The following CDYL2 variants were observed in gnomAD, a reference collection of about 807,000 sequenced individuals.
The protein encoded by CDYL2 is chromodomain Y-like protein 2.
A neutral mutation model predicts 49.4 loss-of-function variants in CDYL2; 23 were observed. The ratio of observed to expected loss-of-function variants is 0.47; its 90% CI spans 0.34 to 0.66. The LOEUF (loss-of-function observed/expected upper bound fraction) is 0.66, where lower values mean the gene tolerates loss of function less well. Among genes scored for constraint, CDYL2 ranks in the 30% least tolerant of loss-of-function variants. CDYL2 has a pLI of 0.01. For synonymous variants in CDYL2, 360 were observed against 268.8 expected (o/e 1.34, Z -3.32); for missense variants, 678 against 656.4 (o/e 1.03, Z -0.36).
At chr16:80,749,505 G>C (rs184956495) in intron 1 of CDYL2, among the ~76,000 whole-genome samples, 3 of 152,062 alleles carry the variant, frequency 2.0e-5, no homozygotes, top group Admixed American at 1.3e-4. Flanking sequence ...ACAATGAAAA[G>C]CAAAATCAAC....
chr16:80,702,427 A>C (rs1904306836), intron 1 of CDYL2, among the ~76,000 whole-genome samples: 1 of 152,180 alleles, frequency 6.6e-6, no homozygotes, highest in South Asian at 2.1e-4. Flanking sequence ...TAATCAAGAA[A>C]TATATAAAGA....
intron 2 of CDYL2, among the ~76,000 whole-genome samples, chr16:80,659,567 A>G (rs1908957692): frequency 6.6e-6 from 1 of 152,140 alleles, no homozygotes; most frequent in Non-Finnish European, 1.5e-5. Flanking sequence ...TGGTACAGAA[A>G]AAGAACAATT....
At chr16:80,667,047 A>G (rs1428167854) in intron 2 of CDYL2, among the ~76,000 whole-genome samples, 1 of 152,206 alleles carries the variant, frequency 6.6e-6, no homozygotes, top group Non-Finnish European at 1.5e-5. Context: ...ACACCATTCC[A>G]TGTGTGCAAA....
rs202032336 is a variant in CDYL2 at position 80,693,923 on chromosome 16, C to A, written c.25-8794G>T. Among the ~76,000 whole-genome samples, 51 of 152,250 alleles carry A rather than the reference C, an allele frequency of 3.3e-4. No homozygotes were observed. In the East Asian group the frequency reaches 6.2e-3, roughly 18 times the overall value. ...ACTGTATTACAGATGTATGATACAA[C>A]CTAAATACAAGAGACAGGGAAAAGG... On this transcript the variant is annotated intron_variant, in intron 1 of 6. Transcript: ENST00000570137.
intron 1 of CDYL2, among the ~76,000 whole-genome samples, chr16:80,767,441 C>T (rs931059188): frequency 3.3e-5 from 5 of 152,146 alleles, no homozygotes; most frequent in African/African-American, 1.2e-4. Flanking sequence ...ATAACTGCAG[C>T]CATTTATTCT....
chr16:80,651,990 T>C (rs1181015607), intron 2 of CDYL2, among the ~76,000 whole-genome samples: 1 of 152,200 alleles, frequency 6.6e-6, no homozygotes, highest in Admixed American at 6.5e-5. Context: ...AACACCAGTA[T>C]GAACTCATTT....
intron 2 of CDYL2, among the ~76,000 whole-genome samples, chr16:80,644,089 A>T (rs11861803): frequency 1.3e-5 from 2 of 152,080 alleles, no homozygotes; most frequent in African/African-American, 4.8e-5. Context: ...TCACCTCTTG[A>T]ATGCTTTGCT....
rs76791200 is a variant in CDYL2, at chr16:80,610,358, G to C, written c.1219-2123C>G. ...GTGCGGAGCTGCCTCAAGAGCATGA[G>C]AGTAATGTCAAAGGTGGGTGTTGAC... is the stretch of plus-strand genomic sequence containing the variant. On this transcript the variant is annotated intron_variant, in intron 5 of 6. Transcript: ENST00000570137. Among the ~76,000 whole-genome samples the C allele has an allele frequency of 5.5e-3, 837 of 152,296 alleles. 6 individuals are homozygous for C. Among genetic ancestry groups the C allele is most frequent in the African/African-American group, 0.019 (791 of 41,554 alleles).
chr16:80,664,151 T>C (rs1909163364), intron 2 of CDYL2, among the ~76,000 whole-genome samples: 2 of 152,202 alleles, frequency 1.3e-5, no homozygotes. Flanking sequence ...AAAGTTCACA[T>C]GCCTCCATCG....
At chr16:80,768,346 A>C (rs574251455) in intron 1 of CDYL2, among the ~76,000 whole-genome samples, 1 of 152,268 alleles carries the variant, frequency 6.6e-6, no homozygotes, top group African/African-American at 2.4e-5. Context: ...TCAACACCTC[A>C]AGTGTTTCTC....
chr16:80,766,328 A>G (rs1280918111), intron 1 of CDYL2, among the ~76,000 whole-genome samples: 1 of 152,236 alleles, frequency 6.6e-6, no homozygotes, highest in African/African-American at 2.4e-5. Flanking sequence ...CAAATGGCCA[A>G]TAAAACCTAG....
intron 5 of CDYL2, among the ~76,000 whole-genome samples, chr16:80,611,289 G>A (rs1302966486): frequency 3.3e-5 from 5 of 152,188 alleles, no homozygotes; most frequent in Admixed American, 1.3e-4. Context: ...GAAAGGGAGA[G>A]GAAAAAGGGA....
intron 2 of CDYL2, among the ~76,000 whole-genome samples, chr16:80,638,969 A>C (rs1907961365): frequency 6.6e-6 from 1 of 152,210 alleles, no homozygotes; most frequent in South Asian, 2.1e-4. Context: ...TGAAATAAAA[A>C]ATTTTTAAAT....
chr16:80,723,826 TGAA>T (rs1352958613), intron 1 of CDYL2, among the ~76,000 whole-genome samples: 1 of 150,650 alleles, frequency 6.6e-6, no homozygotes, highest in Non-Finnish European at 1.5e-5. Flanking sequence ...CAATTCCTGC[TGAA>T]GAAGAAGAAA....
intron 3 of CDYL2, chr16:80,628,313 G>T (rs1485112815): frequency 1.3e-5 from 2 of 152,242 alleles, no homozygotes; most frequent in South Asian, 2.1e-4. Context: ...ATGCCAAAAT[G>T]ATGGCAGGTC....
At chr16:80,763,627 CA>C (rs965071113) in intron 1 of CDYL2, among the ~76,000 whole-genome samples, 2 of 149,220 alleles carry the variant, frequency 1.3e-5, no homozygotes, top group African/African-American at 2.5e-5. Context: ...AAAAAAATAA[CA>C]AAAAAAAACA....
chr16:80,804,718 G>A (rs1908048675), upstream of CDYL2, among the ~76,000 whole-genome samples: 1 of 148,764 alleles, frequency 6.7e-6, no homozygotes, highest in Non-Finnish European at 1.5e-5. Flanking sequence ...GGCCCGCCCC[G>A]CCACCCCGGG....
chr16:80,792,913 C>T (rs1161439464), intron 1 of CDYL2, among the ~76,000 whole-genome samples: 1 of 152,208 alleles, frequency 6.6e-6, no homozygotes, highest in Non-Finnish European at 1.5e-5. Flanking sequence ...GATATAAGGG[C>T]CCAGTTCCCT....
chr16:80,698,863 G>A (rs1352583458), intron 1 of CDYL2, among the ~76,000 whole-genome samples: 2 of 152,000 alleles, frequency 1.3e-5, no homozygotes, highest in African/African-American at 2.4e-5. Flanking sequence ...GCAGTCTCAG[G>A]TACTTCTTTA....
Sources: gnomAD v4.1 joint callset for allele counts (sites outside exome capture counted in the v4.1 genomes callset) on GRCh38, gnomAD v4.1.1 for gene constraint, MANE v1.5 for transcripts, NCBI Gene and HGNC (gene_info 2026-07-23, HGNC 2026-07-21) for gene names.